Variants in ANKS1B observed in about 807,000 individuals in gnomAD.
ANKS1B encodes ankyrin repeat and sterile alpha motif domain-containing protein 1B.
In ANKS1B, 36 loss-of-function variants were observed where a neutral mutation model predicts 148.3. The observed-to-expected ratio is 0.24, with a 90% CI of 0.19 to 0.32. ANKS1B has a LOEUF of 0.32. Among genes scored for constraint, ANKS1B ranks in the 10% least tolerant of loss-of-function variants. The pLI, the probability that ANKS1B is intolerant of heterozygous loss-of-function variation, is 1.00. For synonymous variants in ANKS1B, 542 were observed against 560.8 expected (o/e 0.97, Z 0.47); for missense variants, 1,157 against 1,542.6 (o/e 0.75, Z 4.19).
intron 11 of ANKS1B, among the ~76,000 whole-genome samples, chr12:99,440,107 A>C (rs1347320324): frequency 1.3e-5 from 2 of 151,866 alleles, no homozygotes; most frequent in Non-Finnish European, 2.9e-5. Context: ...ATACATGATG[A>C]TAAAAATCTG....
chr12:99,675,218 T>C (rs1004093168), intron 8 of ANKS1B, among the ~76,000 whole-genome samples: 7 of 152,036 alleles, frequency 4.6e-5, no homozygotes, highest in African/African-American at 1.7e-4. Flanking sequence ...ATTCCACTTC[T>C]AGTTATCTAT....
chr12:99,031,475 CCCAGTCT>C (rs1274228017), intron 17 of ANKS1B, among the ~76,000 whole-genome samples: 2 of 152,204 alleles, frequency 1.3e-5, no homozygotes, highest in Non-Finnish European at 2.9e-5. Context: ...GACACACTTT[CCCAGTCT>C]CCTGCAAGTT....
chr12:99,564,312 C>T (rs962866314), intron 9 of ANKS1B, among the ~76,000 whole-genome samples: 9 of 151,542 alleles, frequency 5.9e-5, no homozygotes, highest in Non-Finnish European at 1.2e-4. Context: ...TATATTTATG[C>T]AATGCAATTA....
At chr12:99,409,099 A>G (rs1260486272) in intron 11 of ANKS1B, among the ~76,000 whole-genome samples, 1 of 152,214 alleles carries the variant, frequency 6.6e-6, no homozygotes, top group Non-Finnish European at 1.5e-5. Context: ...AAGCCACCTA[A>G]GTGTCTATCA....
intron 11 of ANKS1B, among the ~76,000 whole-genome samples, chr12:99,424,705 A>ATCTGTCTG (rs532574681): frequency 6.7e-6 from 1 of 148,354 alleles, no homozygotes; most frequent in East Asian, 1.9e-4. Context: ...TCTGTCATCT[A>ATCTGTCTG]TCTGTCTGTC....
intron 1 of ANKS1B, among the ~76,000 whole-genome samples, chr12:99,914,899 C>G (rs1699827072): frequency 6.6e-6 from 1 of 152,046 alleles, no homozygotes; most frequent in Non-Finnish European, 1.5e-5. Flanking sequence ...TTCATTGCCT[C>G]TAGACCAGTA....
intron 1 of ANKS1B, among the ~76,000 whole-genome samples, chr12:99,903,011 C>T (rs576730626): frequency 6.6e-6 from 1 of 152,204 alleles, no homozygotes; most frequent in African/African-American, 2.4e-5. Context: ...AGTGATCCAC[C>T]CTCCTCGGCC....
chr12:98,876,817 C>T (rs1015009214), intron 17 of ANKS1B, among the ~76,000 whole-genome samples: 4 of 152,096 alleles, frequency 2.6e-5, no homozygotes, highest in African/African-American at 9.7e-5. Context: ...TATTTAATGG[C>T]CTTCAGGTAC....
intron 8 of ANKS1B, among the ~76,000 whole-genome samples, chr12:99,757,170 T>A (rs7954942): frequency 0.44 from 65,974 of 151,280 alleles, 14,707 homozygotes; most frequent in South Asian, 0.61. Context: ...AAAACCTACA[T>A]ATTGGGAGAA....
At chr12:98,906,246 CT>C (rs2099778911) in intron 17 of ANKS1B, among the ~76,000 whole-genome samples, 1 of 152,128 alleles carries the variant, frequency 6.6e-6, no homozygotes, top group South Asian at 2.1e-4. Flanking sequence ...CTTATAACTA[CT>C]GCATAAAAGT....
intron 15 of ANKS1B, among the ~76,000 whole-genome samples, chr12:99,117,158 A>T (rs145515950): frequency 6.6e-5 from 10 of 152,280 alleles, no homozygotes; most frequent in African/African-American, 1.9e-4. Flanking sequence ...AGACAGTTTG[A>T]CTTCCTCTCT....
chr12:99,647,914 C>T, intron 9 of ANKS1B: 1 of 466,528 alleles, frequency 2.1e-6, no homozygotes, highest in East Asian at 3.2e-5. Context: ...ACGAGGGCCC[C>T]AACACCTGTG....
intron 17 of ANKS1B, among the ~76,000 whole-genome samples, chr12:98,996,158 AG>A (rs1243821167): frequency 6.6e-6 from 1 of 152,128 alleles, no homozygotes; most frequent in Non-Finnish European, 1.5e-5. Flanking sequence ...AAATTATGCT[AG>A]TTCCACCTTA....
intron 14 of ANKS1B, among the ~76,000 whole-genome samples, chr12:99,159,151 T>C (rs992131386): frequency 6.6e-6 from 1 of 152,160 alleles, no homozygotes; most frequent in Non-Finnish European, 1.5e-5. Flanking sequence ...TCAACGATTT[T>C]GCTTAAAGGG....
intron 16 of ANKS1B, among the ~76,000 whole-genome samples, chr12:99,064,478 C>T (rs540768995): frequency 1.0e-3 from 152 of 152,266 alleles, no homozygotes; most frequent in Non-Finnish European, 1.9e-3. Flanking sequence ...GATAGGGGCA[C>T]GCCCTCTGGA....
intron 9 of ANKS1B, among the ~76,000 whole-genome samples, chr12:99,592,692 C>G (rs2097715059): frequency 6.6e-6 from 1 of 152,056 alleles, no homozygotes; most frequent in Admixed American, 6.5e-5. Context: ...CAAACTCTGT[C>G]AAATATTTGA....
chr12:99,533,110 C>T (rs1316641843), intron 9 of ANKS1B, among the ~76,000 whole-genome samples: 2 of 152,094 alleles, frequency 1.3e-5, no homozygotes, highest in Non-Finnish European at 2.9e-5. Context: ...CTGTAGATTG[C>T]TTTGAGCAGT....
At chr12:98,979,853 C>T (rs936161470) in intron 17 of ANKS1B, among the ~76,000 whole-genome samples, 7 of 151,830 alleles carry the variant, frequency 4.6e-5, no homozygotes, top group African/African-American at 9.7e-5. Flanking sequence ...AGATATTATC[C>T]CCCATCCATT....
At chr12:99,750,728 C>T (rs2061029784) in intron 8 of ANKS1B, among the ~76,000 whole-genome samples, 1 of 151,954 alleles carries the variant, frequency 6.6e-6, no homozygotes, top group Admixed American at 6.6e-5. Flanking sequence ...TTACCCATAC[C>T]ACCTTTTGAC....
Sources: allele counts gnomAD v4.1 joint callset (sites outside exome capture counted in the v4.1 genomes callset), GRCh38; gene constraint gnomAD v4.1.1; transcripts MANE v1.5; gene names NCBI Gene and HGNC (gene_info 2026-07-23, HGNC 2026-07-21).